The following GIT2 variants were observed in gnomAD, a reference collection of about 807,000 sequenced individuals.
The protein encoded by GIT2 is ARF GTPase-activating protein GIT2.
A neutral mutation model predicts 100.3 loss-of-function variants in GIT2; 32 were observed. The observed-to-expected ratio is 0.32, with a 90% CI of 0.24 to 0.43. The LOEUF is 0.43. Ranked by LOEUF, GIT2 falls within the 20% of genes least tolerant of loss-of-function variation. The pLI is 1.00. For missense variants in GIT2, 737 were observed against 975.1 expected, an observed-to-expected ratio of 0.76 and a Z score of 3.25; for synonymous variants, 353 against 364.1, an observed-to-expected ratio of 0.97 and a Z score of 0.35.
upstream of GIT2, chr12:109,999,095 T>C (rs951880493): frequency 6.6e-6 from 1 of 152,202 alleles, no homozygotes; most frequent in East Asian, 1.9e-4. This position sits in a 1 kb window ranked among gnomAD's most constrained non-coding sequence, Gnocchi z 4.3. Flanking sequence ...GCTGCAAGGG[T>C]GTCGGCAGCT....
intron 16 of GIT2, among the ~76,000 whole-genome samples, chr12:109,943,975 C>T (rs1055611893): frequency 1.3e-5 from 2 of 152,096 alleles, no homozygotes; most frequent in South Asian, 2.1e-4. Context: ...TCACTGCACT[C>T]GGCTGAGAAT....
At chr12:109,981,817 A>T (rs1047259585) in intron 6 of GIT2, 1 of 152,202 alleles carries the variant, frequency 6.6e-6, no homozygotes, top group Non-Finnish European at 1.5e-5. Flanking sequence ...CTCGTCCAAG[A>T]TCAAGTATAT....
At chr12:109,975,028 G>A (rs1486605686) in intron 7 of GIT2, among the ~76,000 whole-genome samples, 4 of 152,170 alleles carry the variant, frequency 2.6e-5, no homozygotes, top group African/African-American at 4.8e-5. Context: ...CTCTCTATCC[G>A]TGCTAATATT....
intron 4 of GIT2, among the ~76,000 whole-genome samples, chr12:109,986,697 G>A (rs758745789): frequency 1.2e-4 from 18 of 151,952 alleles, no homozygotes; most frequent in Non-Finnish European, 2.2e-4. Flanking sequence ...CCCGGGAGGC[G>A]GAGCTTGAAG....
Position 109,986,638 on chromosome 12 carries a change from G to A in GIT2, c.405+2325C>T, listed in dbSNP as rs189980955. 5.5e-3 allele frequency among the ~76,000 whole-genome samples: 836 copies of A among 152,254 alleles called. 7 individuals are homozygous for A. The highest frequency in any genetic ancestry group is 0.019 in the African/African-American group (808 of 41,542). On this transcript the variant is annotated intron_variant, in intron 4 of 19. Coordinates refer to ENST00000355312, the MANE Select transcript of GIT2 (RefSeq NM_057169.5). The stretch of plus-strand genomic sequence containing the variant: ...AAATTAGCCGGGTGTGGTGGCGGAC[G>A]CCTGTAGTCCCAGCTACTCAGGAGG...
rs143011827 is a variant in GIT2, at chr12:109,960,058, A to G, written c.988-100T>C. The G allele has an allele frequency of 6.8e-4, 527 of 776,282 alleles. 2 individuals carry two copies. In the African/African-American group the frequency reaches 8.5e-3, roughly 12 times the overall value. 48.1% of individuals were successfully genotyped at this position (776,282 alleles called of 1,614,324 possible). ...AGACTATTGACAGACTTCTGCAAAT[A>G]CTTTCTTCTGGCATGATCAAAGTAC... On this transcript the variant is annotated intron_variant, in intron 11 of 19. Coordinates refer to ENST00000355312, the MANE Select transcript of GIT2 (RefSeq NM_057169.5).
intron 14 of GIT2, among the ~76,000 whole-genome samples, chr12:109,950,144 G>A (rs1201325235): frequency 6.6e-6 from 1 of 152,218 alleles, no homozygotes; most frequent in Admixed American, 6.5e-5. Context: ...CCAAACCCCA[G>A]GCAAAAGTGC....
chr12:109,951,280 C>G lies in GIT2; in HGVS notation c.1279G>C (p.Val427Leu), dbSNP rs1224807584. The G allele has an allele frequency of 3.1e-6, 5 of 1,611,442 alleles. No individual in the cohort carries two copies. Among genetic ancestry groups the G allele is most frequent in the Admixed American group, 1.7e-5 (1 of 60,004 alleles). The change falls in exon 14 of 20, where the codon GTA (valine) becomes CTA (leucine). Residue 427 changes from valine to leucine, a missense_variant. By Grantham distance (32) the Val-to-Leu change is conservative. Coordinates refer to ENST00000355312, the MANE Select transcript of GIT2 (RefSeq NM_057169.5). ...DSDLSDGPVT[V>L]QEFMEVKNAL... ...TTTTTGACCTCCATAAATTCCTGTA[C>G]AGTGACTGGTCCATCTGATAAATCT...
At chr12:109,953,722 G>GA (rs979186377) in intron 12 of GIT2, 1 of 152,356 alleles carries the variant, frequency 6.6e-6, no homozygotes, top group South Asian at 2.1e-4. Context: ...AGAGATAACA[G>GA]AAAAAGTTTT....
Position 109,986,755 on chromosome 12 carries a change from A to ACTCCGT in GIT2, c.405+2202_405+2207dup, listed in dbSNP as rs1593146016. Among the ~76,000 whole-genome samples, 3 of 151,708 alleles carry ACTCCGT rather than the reference A, an allele frequency of 2.0e-5. No homozygotes were observed. The East Asian group carries it at 5.8e-4, about 29-fold the overall frequency. ...ACTCCAGCCTGGGCCACAGAGCAAG[A>ACTCCGT]CTCCGTCTCAAAAACAAACAAACAA... On this transcript the variant is annotated intron_variant, in intron 4 of 19. Transcript: ENST00000355312.
intron 9 of GIT2, among the ~76,000 whole-genome samples, chr12:109,965,303 A>T (rs1882049641): frequency 6.6e-6 from 1 of 152,236 alleles, no homozygotes; most frequent in African/African-American, 2.4e-5. Flanking sequence ...TACATGATAG[A>T]GAAAAATGAG....
chr12:109,946,992 A>G (rs1313822293), intron 15 of GIT2, among the ~76,000 whole-genome samples: 2 of 152,212 alleles, frequency 1.3e-5, no homozygotes, highest in Non-Finnish European at 2.9e-5. Flanking sequence ...TTGAGAAATA[A>G]TCATGGATGT....
chr12:109,952,705 T>C (rs1878240602), intron 13 of GIT2: 2 of 493,870 alleles, frequency 4.0e-6, no homozygotes, highest in Non-Finnish European at 8.1e-6. Flanking sequence ...AGATTCTCTC[T>C]CTGCTCACTC....
Position 109,948,377 on chromosome 12 carries a change from T to G in GIT2, c.1393-873A>C. ...TCAGCTTTGAACATGCTAATCTGCC[T>G]GGCACCACCCCATTTTAGAGACTGT... On this transcript the variant is annotated intron_variant, in intron 14 of 19. Transcript: ENST00000355312. The surrounding 1 kb of genome is among the most constrained non-coding windows in gnomAD (Gnocchi z 4.3). 1.0e-6 allele frequency: 1 copy of G among 994,630 alleles called. No individual in the cohort carries two copies. The highest frequency in any genetic ancestry group is 1.2e-6 in the Non-Finnish European group (1 of 836,024). 61.6% of individuals were successfully genotyped at this position (994,630 alleles called of 1,614,324 possible). A position where few individuals can be genotyped will look rare whatever the true frequency, so the allele number is the denominator to read the frequency against.
At chr12:109,936,744 C>T (rs983283919) in intron 18 of GIT2, among the ~76,000 whole-genome samples, 2 of 152,058 alleles carry the variant, frequency 1.3e-5, no homozygotes, top group East Asian at 3.9e-4. Context: ...GTGGCATGCA[C>T]CTGTAATCCC....
chr12:109,997,204 CAAA>C (rs35732772), upstream of GIT2, among the ~76,000 whole-genome samples: 1 of 43,326 alleles, frequency 2.3e-5, no homozygotes, highest in Non-Finnish European at 4.9e-5. Context: ...GACTCCGTCT[CAAA>C]AAAAAAAAAA....
At chr12:109,990,201 G>A (rs1421941496) in intron 2 of GIT2, among the ~76,000 whole-genome samples, 1 of 152,082 alleles carries the variant, frequency 6.6e-6, no homozygotes, top group Non-Finnish European at 1.5e-5. Flanking sequence ...AGTTTGATGT[G>A]CTAGTTATAG....
rs1267700932 is a variant in GIT2 at position 109,951,116 on chromosome 12, T to G, written c.1392+51A>C. The G allele has an allele frequency of 2.7e-6, 4 of 1,503,188 alleles. No individual in the cohort carries two copies. In the East Asian group the frequency reaches 9.0e-5, roughly 34 times the overall value. 93.1% of individuals were successfully genotyped at this position (1,503,188 alleles called of 1,614,324 possible). On this transcript the variant is annotated intron_variant, in intron 14 of 19. Transcript: ENST00000355312. The stretch of plus-strand genomic sequence containing the variant: ...CATCACAGTGCCTGAGATTCTTCCT[T>G]GTACTATGGGATTAAAGCGTCAACC...
chr12:109,951,635 C>G (rs1201938259), intron 13 of GIT2, among the ~76,000 whole-genome samples: 8 of 152,180 alleles, frequency 5.3e-5, no homozygotes, highest in African/African-American at 1.4e-4. Context: ...TTCATTCTTT[C>G]ATTAATTCAT....
Sources: gnomAD v4.1 joint callset for allele counts (sites outside exome capture counted in the v4.1 genomes callset) on GRCh38, gnomAD v4.1.1 for gene constraint, Gnocchi (gnomAD v3.1) non-coding constraint, MANE v1.5 for transcripts, NCBI Gene and HGNC (gene_info 2026-07-23, HGNC 2026-07-21) for gene names.